Variants in SGCD observed in about 807,000 individuals in gnomAD.
The protein encoded by SGCD is delta-sarcoglycan.
SGCD carries 18 observed loss-of-function variants against 36.6 expected under a neutral mutation model. The observed-to-expected ratio is 0.49, with a 90% CI of 0.34 to 0.73. The LOEUF (loss-of-function observed/expected upper bound fraction) is 0.73, where lower values mean the gene tolerates loss of function less well. SGCD is among the 30% of genes least tolerant of loss of function. The pLI, the probability that SGCD is intolerant of heterozygous loss-of-function variation, is 0.01. For missense variants in SGCD, 387 were observed against 346.7 expected, an observed-to-expected ratio of 1.12 and a Z score of -0.92; for synonymous variants, 133 against 130.6, an observed-to-expected ratio of 1.02 and a Z score of -0.12.
At chr5:155,854,460 C>T in the SGCD span, among the ~76,000 whole-genome samples, 34 of 151,988 alleles carry the variant, frequency 2.2e-4, no homozygotes, top group Non-Finnish European at 2.9e-4. Flanking sequence ...AGCTTTTTTT[C>T]GTGGATGTAA....
At chr5:156,077,098 G>T (rs1454129269) in intron 1 of SGCD, among the ~76,000 whole-genome samples, 1 of 151,946 alleles carries the variant, frequency 6.6e-6, no homozygotes, top group Non-Finnish European at 1.5e-5. Context: ...ACGTTTTTCT[G>T]GATCGTCACG....
chr5:156,706,366 C>T (rs1263329131), intron 7 of SGCD, among the ~76,000 whole-genome samples: 4 of 152,134 alleles, frequency 2.6e-5, no homozygotes, highest in Non-Finnish European at 5.9e-5. Context: ...ACACTGTTAT[C>T]TGCCACAATG....
intron 3 of SGCD, among the ~76,000 whole-genome samples, chr5:156,242,158 G>C (rs916053679): frequency 2.6e-5 from 4 of 152,140 alleles, no homozygotes; most frequent in Admixed American, 6.5e-5. Flanking sequence ...CTATACTGTG[G>C]CATATTATTC....
chr5:156,136,924 A>C (rs1407049115), intron 3 of SGCD, among the ~76,000 whole-genome samples: 1 of 152,264 alleles, frequency 6.6e-6, no homozygotes, highest in Non-Finnish European at 1.5e-5. Flanking sequence ...TTTGTATTAC[A>C]TAAAACATAG....
At chr5:156,173,915 A>G (rs968220974) in intron 3 of SGCD, among the ~76,000 whole-genome samples, 2 of 152,176 alleles carry the variant, frequency 1.3e-5, no homozygotes, top group African/African-American at 2.4e-5. Flanking sequence ...ATTACTAATT[A>G]TGTGACTTAT....
intron 1 of SGCD, among the ~76,000 whole-genome samples, chr5:155,951,167 A>G (rs1010357313): frequency 1.7e-4 from 26 of 152,108 alleles, no homozygotes; most frequent in Middle Eastern, 3.2e-3. Flanking sequence ...CTGCACCATA[A>G]ATTTTTTCTC....
the SGCD span, among the ~76,000 whole-genome samples, chr5:155,841,034 A>ACGTGGGAT: frequency 7.5e-6 from 1 of 133,562 alleles, no homozygotes. Context: ...AAAAAAAAAG[A>ACGTGGGAT]CTGGGGCACT....
At chr5:156,394,918 A>G (rs1771768029) in intron 3 of SGCD, among the ~76,000 whole-genome samples, 1 of 152,248 alleles carries the variant, frequency 6.6e-6, no homozygotes, top group Admixed American at 6.5e-5. Flanking sequence ...TATTGGCTAG[A>G]ACAGGCTTAC....
intron 3 of SGCD, among the ~76,000 whole-genome samples, chr5:156,465,927 T>C (rs1388409262): frequency 6.6e-6 from 1 of 152,188 alleles, no homozygotes; most frequent in Admixed American, 6.6e-5. Context: ...CTATCAGACT[T>C]CTTTGCTAAT....
In SGCD at chr5:156,759,437, G is replaced by A; in HGVS notation, c.*47G>A. On this transcript the variant is annotated 3_prime_UTR_variant, in exon 9 of 9. Transcript: ENST00000337851. Reference sequence around the variant, plus strand: ...TGTTGGCAGCATAAAGGCCTTTTTTGGCTTTAGACACTGGCTGCCAGCTAT... The same window carrying A: ...TGTTGGCAGCATAAAGGCCTTTTTTAGCTTTAGACACTGGCTGCCAGCTAT... 1 of 1,397,386 alleles carries A rather than the reference G, an allele frequency of 7.2e-7. No homozygotes were observed. Among genetic ancestry groups the A allele is most frequent in the Non-Finnish European group, 9.8e-7 (1 of 1,024,010 alleles). 86.6% of individuals were successfully genotyped at this position (1,397,386 alleles called of 1,614,324 possible). A position where few individuals can be genotyped will look rare whatever the true frequency, so the allele number is the denominator to read the frequency against.
chr5:156,501,784 G>A (rs1756464711), intron 3 of SGCD, among the ~76,000 whole-genome samples: 1 of 152,172 alleles, frequency 6.6e-6, no homozygotes. Context: ...GATGAGCAGG[G>A]CTTTCAGAAT....
intron 3 of SGCD, among the ~76,000 whole-genome samples, chr5:156,298,335 T>A (rs1453250824): frequency 6.6e-6 from 1 of 152,118 alleles, no homozygotes; most frequent in East Asian, 1.9e-4. Context: ...TTTAGGAACA[T>A]CCATACTATT....
intron 1 of SGCD, among the ~76,000 whole-genome samples, chr5:156,108,457 G>A (rs1203688207): frequency 1.3e-5 from 2 of 152,004 alleles, no homozygotes; most frequent in African/African-American, 4.8e-5. Flanking sequence ...ACCAAGTAGA[G>A]ATTGTTATAA....
chr5:156,443,598 G>A lies in SGCD; in HGVS notation c.193-65003G>A, dbSNP rs187946506. ...TTCCAGCCTGGGTCACTGCTAATTG[G>A]GTGTAATTAACACCCTCATGACATG... On this transcript the variant is annotated intron_variant, in intron 3 of 8. Coordinates refer to ENST00000337851, the MANE Select transcript of SGCD (RefSeq NM_000337.6). Among the ~76,000 whole-genome samples, 19 of 152,074 alleles carry A rather than the reference G, an allele frequency of 1.2e-4. No individual in the cohort carries two copies. In the East Asian group the frequency reaches 3.7e-3, roughly 29 times the overall value.
intron 3 of SGCD, among the ~76,000 whole-genome samples, chr5:156,179,134 C>T (rs147284388): frequency 2.0e-5 from 3 of 152,288 alleles, no homozygotes; most frequent in South Asian, 2.1e-4. Flanking sequence ...CACATCTAAG[C>T]ATGTGTTTTA....
chr5:156,171,095 A>G (rs1763334713), intron 3 of SGCD, among the ~76,000 whole-genome samples: 2 of 152,146 alleles, frequency 1.3e-5, no homozygotes. Flanking sequence ...CGGTTTGGAC[A>G]TTGGAAATAT....
the SGCD span, among the ~76,000 whole-genome samples, chr5:155,755,973 C>G: frequency 6.6e-6 from 1 of 152,280 alleles, no homozygotes; most frequent in East Asian, 1.9e-4. Context: ...TTAGGAATAA[C>G]TTTTATCACC....
At chr5:155,817,888 A>G in the SGCD span, among the ~76,000 whole-genome samples, 6 of 152,256 alleles carry the variant, frequency 3.9e-5, no homozygotes, top group African/African-American at 1.4e-4. Flanking sequence ...TAACAGATAC[A>G]TATACTTGAC....
intron 3 of SGCD, among the ~76,000 whole-genome samples, chr5:156,365,142 AT>A (rs1561647247): frequency 6.6e-6 from 1 of 152,268 alleles, no homozygotes; most frequent in African/African-American, 2.4e-5. Context: ...ACAAATGGTC[AT>A]CAAGCACATA....
Sources: allele counts gnomAD v4.1 joint callset (sites outside exome capture counted in the v4.1 genomes callset), GRCh38; gene constraint gnomAD v4.1.1; transcripts MANE v1.5; gene names NCBI Gene and HGNC (gene_info 2026-07-23, HGNC 2026-07-21).